GBF1: variants seen among roughly 807,000 people sequenced by gnomAD.
GBF1 encodes the protein golgi brefeldin A resistant guanine nucleotide exchange factor 1.
GBF1 carries 114 observed loss-of-function variants against 210.5 expected under a neutral mutation model. The ratio of observed to expected loss-of-function variants is 0.54; its 90% CI spans 0.47 to 0.63. The LOEUF is 0.63. GBF1 is among the 30% of genes least tolerant of loss of function. GBF1 has a pLI of 0.00. For synonymous variants in GBF1, 850 were observed against 889.2 expected (o/e 0.96, Z 0.78); for missense variants, 1,851 against 2,357.7 (o/e 0.79, Z 4.45).
intron 3 of GBF1, among the ~76,000 whole-genome samples, chr10:102,262,539 A>G (rs112454902): frequency 1.3e-5 from 2 of 152,350 alleles, no homozygotes; most frequent in East Asian, 1.9e-4. Flanking sequence ...GATTGTTGTT[A>G]TAAGTGACTG....
intron 3 of GBF1, among the ~76,000 whole-genome samples, chr10:102,282,563 A>G (rs1389498206): frequency 5.9e-5 from 9 of 152,186 alleles, no homozygotes; most frequent in Admixed American, 5.2e-4. Context: ...TTTAATCACA[A>G]TTATTTTGGG....
chr10:102,248,290 T>A (rs1427056646), intron 1 of GBF1, among the ~76,000 whole-genome samples: 3 of 152,124 alleles, frequency 2.0e-5, no homozygotes, highest in Admixed American at 6.6e-5. Flanking sequence ...TTTTTTTTTT[T>A]AATATTTCAG....
chr10:102,246,989 C>G (rs2070916546), intron 1 of GBF1, among the ~76,000 whole-genome samples: 1 of 152,196 alleles, frequency 6.6e-6, no homozygotes, highest in African/African-American at 2.4e-5. Context: ...CAGGATCAAC[C>G]TAATACCTTT....
chr10:102,282,093 AT>A (rs58472334), intron 3 of GBF1, among the ~76,000 whole-genome samples: 1,949 of 143,572 alleles, frequency 0.014, 30 homozygotes, highest in African/African-American at 0.044. Context: ...CACCCGGCTA[AT>A]TTTTTTTTTT....
At chr10:102,276,309 G>A (rs908212773) in intron 3 of GBF1, among the ~76,000 whole-genome samples, 50 of 151,822 alleles carry the variant, frequency 3.3e-4, no homozygotes, top group Non-Finnish European at 6.8e-4. Flanking sequence ...GGCGGATCAC[G>A]AGGTCAGGAG....
intron 3 of GBF1, among the ~76,000 whole-genome samples, chr10:102,337,117 G>A (rs187804551): frequency 1.3e-5 from 2 of 151,734 alleles, no homozygotes; most frequent in Admixed American, 1.3e-4. Flanking sequence ...GGTGGCTCAC[G>A]TCTGTAATCC....
At chr10:102,289,290 G>A (rs1219069970) in intron 3 of GBF1, among the ~76,000 whole-genome samples, 1 of 152,116 alleles carries the variant, frequency 6.6e-6, no homozygotes, top group African/African-American at 2.4e-5. Flanking sequence ...TCCCTCCTTG[G>A]TACATACCTT....
intron 3 of GBF1, among the ~76,000 whole-genome samples, chr10:102,323,330 C>T (rs1228488669): frequency 6.6e-6 from 1 of 151,406 alleles, no homozygotes; most frequent in Non-Finnish European, 1.5e-5. Flanking sequence ...ATTTTCTCTG[C>T]ATTCCGTATG....
intron 1 of GBF1, among the ~76,000 whole-genome samples, chr10:102,251,481 A>C (rs2071521674): frequency 6.6e-6 from 1 of 152,214 alleles, no homozygotes; most frequent in Non-Finnish European, 1.5e-5. Flanking sequence ...CCCCTGAGAT[A>C]GAGCCTGATA....
intron 3 of GBF1, among the ~76,000 whole-genome samples, chr10:102,321,796 A>T (rs1450010734): frequency 6.6e-6 from 1 of 152,096 alleles, no homozygotes; most frequent in Admixed American, 6.6e-5. Context: ...TCCTGAACTC[A>T]AGTGATCTGC....
chr10:102,232,066 C>T, the GBF1 span: 1 of 1,599,266 alleles, frequency 6.3e-7, no homozygotes, highest in East Asian at 2.2e-5. Flanking sequence ...CCTCGCTGAG[C>T]AGGCCGAACT....
intron 3 of GBF1, among the ~76,000 whole-genome samples, chr10:102,260,838 A>G (rs1016696028): frequency 1.2e-4 from 18 of 151,986 alleles, no homozygotes; most frequent in African/African-American, 4.4e-4. Context: ...CAGTTTTCCA[A>G]TCCTTGGTTT....
the GBF1 span, chr10:102,231,096 C>T: frequency 6.4e-7 from 1 of 1,551,742 alleles, no homozygotes; most frequent in Non-Finnish European, 8.7e-7. Context: ...GGTTCTTGAA[C>T]CACACCTGCG....
In GBF1 at chr10:102,368,733, T is replaced by C; in HGVS notation, c.2880-6T>C. ...TCTGTTTCTGGGATGGGGGGTAACATTACAGGAAGTGCGCCATGATCTCCG... is the reference window on the plus strand; with the variant it reads ...TCTGTTTCTGGGATGGGGGGTAACACTACAGGAAGTGCGCCATGATCTCCG... On this transcript the variant is annotated splice_polypyrimidine_tract_variant and splice_region_variant and intron_variant, in intron 22 of 39. Coordinates refer to ENST00000369983, the MANE Select transcript of GBF1 (RefSeq NM_001377137.1). The C allele has an allele frequency of 6.2e-7, 1 of 1,605,878 alleles. No homozygotes were observed. Among genetic ancestry groups the C allele is most frequent in the Non-Finnish European group, 8.5e-7 (1 of 1,172,642 alleles).
chr10:102,231,413 G>A, the GBF1 span, among the ~76,000 whole-genome samples: 1 of 152,244 alleles, frequency 6.6e-6, no homozygotes, highest in East Asian at 1.9e-4. Flanking sequence ...GGAGCAGTGG[G>A]AGCAGAGGCT....
Position 102,366,077 on chromosome 10 carries a change from A to G in GBF1, c.2310-306A>G, listed in dbSNP as rs909418868. ...AATGTTCTTCCTCTACCCATCATTT[A>G]TATCTATTGGACCTGAAAGGGACTC... On this transcript the variant is annotated intron_variant, in intron 18 of 39. Coordinates refer to ENST00000369983, the MANE Select transcript of GBF1 (RefSeq NM_001377137.1). This position sits in a 1 kb window ranked among gnomAD's most constrained non-coding sequence, Gnocchi z 4.0. Among the ~76,000 whole-genome samples, 1 of 152,170 alleles carries G rather than the reference A, an allele frequency of 6.6e-6. No individual in the cohort carries two copies. Among genetic ancestry groups the G allele is most frequent in the Non-Finnish European group, 1.5e-5 (1 of 68,038 alleles).
intron 3 of GBF1, among the ~76,000 whole-genome samples, chr10:102,337,409 C>T (rs1261251355): frequency 3.3e-5 from 5 of 149,850 alleles, no homozygotes; most frequent in Non-Finnish European, 7.4e-5. Flanking sequence ...AGTGGATTGA[C>T]ATAAAGAAGA....
At chr10:102,284,157 A>G (rs1299042076) in intron 3 of GBF1, among the ~76,000 whole-genome samples, 2 of 152,228 alleles carry the variant, frequency 1.3e-5, no homozygotes, top group Non-Finnish European at 2.9e-5. Context: ...GAAATTGTTC[A>G]TGGTTTCTTA....
intron 8 of GBF1, among the ~76,000 whole-genome samples, chr10:102,356,692 A>G (rs576298570): frequency 3.8e-4 from 57 of 150,036 alleles, no homozygotes; most frequent in African/African-American, 1.3e-3. Context: ...GCGTGAACCC[A>G]GGAGGCGGAG....
Sources: gnomAD v4.1 joint callset for allele counts (sites outside exome capture counted in the v4.1 genomes callset) on GRCh38, gnomAD v4.1.1 for gene constraint, Gnocchi (gnomAD v3.1) non-coding constraint, MANE v1.5 for transcripts, NCBI Gene and HGNC (gene_info 2026-07-23, HGNC 2026-07-21) for gene names.